The following FAM193A variants were observed in gnomAD, a reference collection of about 807,000 sequenced individuals.
FAM193A encodes the protein protein FAM193A.
FAM193A carries 22 observed loss-of-function variants against 126.5 expected under a neutral mutation model. The observed-to-expected ratio is 0.17, with a 90% CI of 0.12 to 0.25. The LOEUF (loss-of-function observed/expected upper bound fraction) is 0.25. FAM193A is among the 10% of genes least tolerant of loss of function. The pLI is 1.00. For synonymous variants in FAM193A, 761 were observed against 646.8 expected, an observed-to-expected ratio of 1.18 and a Z score of -2.68; for missense variants, 1,675 against 1,672.8, an observed-to-expected ratio of 1.00 and a Z score of -0.02.
At chr4:2,549,447 A>G (rs1578572625) in intron 1 of FAM193A, among the ~76,000 whole-genome samples, 2 of 111,502 alleles carry the variant, frequency 1.8e-5, no homozygotes, top group Non-Finnish European at 3.4e-5. Context: ...CCCAGGCTGG[A>G]GTGCAGTGGC....
intron 5 of FAM193A, among the ~76,000 whole-genome samples, chr4:2,632,383 T>A (rs1278979450): frequency 1.3e-5 from 2 of 151,902 alleles, no homozygotes; most frequent in East Asian, 3.9e-4. Flanking sequence ...CTAGGCAACA[T>A]GGGGAGACCC....
intron 18 of FAM193A, among the ~76,000 whole-genome samples, chr4:2,698,603 A>T (rs913913036): frequency 3.9e-5 from 6 of 152,238 alleles, no homozygotes; most frequent in African/African-American, 1.4e-4. Flanking sequence ...AAAATAATTT[A>T]CACTTGGGGA....
Position 2,663,140 on chromosome 4 carries a change from C to T in FAM193A, c.1931C>T (p.Ser644Phe), listed in dbSNP as rs1712675604. The change falls in exon 12 of 21, where the codon TCC (serine) becomes TTC (phenylalanine). Residue 644 changes from serine (S) to phenylalanine (F), a missense_variant. By Grantham distance (155) the Ser-to-Phe change is radical (BLOSUM62 -2). Transcript: ENST00000637812. Reference sequence around the variant, plus strand: ...CAGATAAGCAGTACCAGCAGTAGTTCCTCAGAAGCTGATGATGAAGAAGCG... The same window carrying T: ...CAGATAAGCAGTACCAGCAGTAGTTTCTCAGAAGCTGATGATGAAGAAGCG... ...SPQISSTSSS[S>F]SEADDEEADG... 1.2e-6 allele frequency: 2 copies of T among 1,613,934 alleles called. No individual in the cohort carries two copies. The highest frequency in any genetic ancestry group is 1.7e-5 in the Admixed American group (1 of 59,994).
chr4:2,654,157 C>T (rs764227026), intron 7 of FAM193A, among the ~76,000 whole-genome samples: 3 of 152,112 alleles, frequency 2.0e-5, no homozygotes, highest in African/African-American at 4.8e-5. Context: ...ATGTTGAATA[C>T]GTGTAAAATA....
At chr4:2,726,101 G>A (rs1271435410) in intron 20 of FAM193A, among the ~76,000 whole-genome samples, 5 of 152,018 alleles carry the variant, frequency 3.3e-5, no homozygotes, top group South Asian at 2.1e-4. Context: ...GGGTTTCACC[G>A]TGTTAGCCAG....
chr4:2,700,526 A>G lies in FAM193A; in HGVS notation c.4354A>G (p.Arg1452Gly). 1.2e-6 allele frequency: 2 copies of G among 1,611,194 alleles called. No individual in the cohort carries two copies. Among genetic ancestry groups the G allele is most frequent in the Non-Finnish European group, 1.7e-6 (2 of 1,179,162 alleles). ...NKKNKKKKGD[R>G]VNNSIDDVFL... is the part of the protein sequence containing the mutation. ...GAAAAATAAGAAGAAGAAAGGAGAC[A>G]GAGTCAACAATTCAATTGGTAAATA... is the stretch of plus-strand genomic sequence containing the variant. The change falls in exon 19 of 21, where the codon AGA (arginine) becomes GGA (glycine). Residue 1452 changes from arginine (R) to glycine (G), a missense_variant. Transcript: ENST00000637812.
rs75774261 is a variant in FAM193A at position 2,674,833 on chromosome 4, CAAAAAAA to C, written c.2331+2474_2331+2480del. 7.2e-3 allele frequency among the ~76,000 whole-genome samples: 764 copies of C among 105,898 alleles called. 4 individuals carry two copies. Among genetic ancestry groups the C allele is most frequent in the African/African-American group, 0.03 (717 of 23,956 alleles). 69.5% of individuals were successfully genotyped at this position (105,898 alleles called of 152,430 possible). A position where few individuals can be genotyped will look rare whatever the true frequency, so the allele number is the denominator to read the frequency against. On this transcript the variant is annotated intron_variant, in intron 13 of 20. Transcript: ENST00000637812. ...CAACATAGTAAAACCCTGTCTCTACCAAAAAAAAAAAAAAAAAAATTCTTGAAATTAA... is the reference window on the plus strand; with the variant it reads ...CAACATAGTAAAACCCTGTCTCTACCAAAAAAAAAAAATTCTTGAAATTAA...
chr4:2,728,566 T>C (rs991932738), intron 20 of FAM193A, among the ~76,000 whole-genome samples: 1 of 152,190 alleles, frequency 6.6e-6, no homozygotes, highest in African/African-American at 2.4e-5. Flanking sequence ...TTCTTTAAGC[T>C]GTTCTTGAGA....
At chr4:2,694,832 T>G (rs911666827) in intron 16 of FAM193A, 114 bp from the exon 17 acceptor site, 5 of 872,980 alleles carry the variant, frequency 5.7e-6, no homozygotes, top group Non-Finnish European at 8.6e-6. Flanking sequence ...ATGCACCCTC[T>G]GCGCTGCCTC....
chr4:2,546,933 T>C (rs1043705039), intron 1 of FAM193A, among the ~76,000 whole-genome samples: 1 of 152,162 alleles, frequency 6.6e-6, no homozygotes, highest in Non-Finnish European at 1.5e-5. Context: ...TCAGTGGTTT[T>C]TGTTTACACT....
intron 20 of FAM193A, among the ~76,000 whole-genome samples, chr4:2,722,739 T>G (rs1047865265): frequency 6.6e-6 from 1 of 152,194 alleles, no homozygotes; most frequent in Non-Finnish European, 1.5e-5. Context: ...TGTGGTTGAA[T>G]AAACAAGCCA....
intron 1 of FAM193A, among the ~76,000 whole-genome samples, chr4:2,573,318 G>A (rs1399862512): frequency 6.6e-6 from 1 of 152,034 alleles, no homozygotes; most frequent in Non-Finnish European, 1.5e-5. Flanking sequence ...TTCGAGACCA[G>A]CCTGGCCACC....
chr4:2,559,390 A>C (rs1012796584), intron 1 of FAM193A, among the ~76,000 whole-genome samples: 2 of 152,190 alleles, frequency 1.3e-5, no homozygotes, highest in African/African-American at 2.4e-5. Context: ...GTCACTTCTC[A>C]GTACCAACTG....
chr4:2,724,619 G>A (rs1483610959), intron 20 of FAM193A, among the ~76,000 whole-genome samples: 3 of 152,196 alleles, frequency 2.0e-5, no homozygotes, highest in Admixed American at 6.5e-5. Flanking sequence ...GGAGGCTGAG[G>A]TGGAGGATCA....
intron 1 of FAM193A, among the ~76,000 whole-genome samples, chr4:2,543,883 A>C (rs1478008156): frequency 4.0e-5 from 6 of 151,230 alleles, no homozygotes; most frequent in South Asian, 2.1e-4. Context: ...AAAAAAAAAA[A>C]AAAAAAAAAA....
At chr4:2,570,204 T>A (rs1162727248) in intron 1 of FAM193A, among the ~76,000 whole-genome samples, 1 of 152,158 alleles carries the variant, frequency 6.6e-6, no homozygotes, top group Non-Finnish European at 1.5e-5. Flanking sequence ...TGCCATTAGT[T>A]AAACTCATTG....
chr4:2,653,232 A>G (rs1377453505), intron 7 of FAM193A, among the ~76,000 whole-genome samples: 1 of 152,234 alleles, frequency 6.6e-6, no homozygotes, highest in Non-Finnish European at 1.5e-5. Context: ...TCTTGAAGGT[A>G]AACATTTATT....
intron 1 of FAM193A, among the ~76,000 whole-genome samples, chr4:2,550,506 G>A (rs978306391): frequency 2.0e-5 from 3 of 151,120 alleles, no homozygotes; most frequent in African/African-American, 7.3e-5. Context: ...GCACGATCTT[G>A]GCTCACTGCA....
At chr4:2,645,895 G>T (rs886247892) in intron 6 of FAM193A, among the ~76,000 whole-genome samples, 3 of 152,148 alleles carry the variant, frequency 2.0e-5, no homozygotes, top group Non-Finnish European at 4.4e-5. Context: ...AAGTAAATCA[G>T]ATTTTGTTTT....
Sources: allele counts gnomAD v4.1 joint callset (sites outside exome capture counted in the v4.1 genomes callset), GRCh38; gene constraint gnomAD v4.1.1; transcripts MANE v1.5; gene names NCBI Gene and HGNC (gene_info 2026-07-23, HGNC 2026-07-21).